SUGP1: variants seen among roughly 807,000 people sequenced by gnomAD.
SUGP1 encodes SURP and G-patch domain-containing protein 1.
A neutral mutation model predicts 76.5 loss-of-function variants in SUGP1; 34 were observed. The observed-to-expected ratio is 0.44, with a 90% CI of 0.34 to 0.59. The LOEUF (loss-of-function observed/expected upper bound fraction) is 0.59, where lower values mean the gene tolerates loss of function less well. Among genes scored for constraint, SUGP1 ranks in the 20% least tolerant of loss-of-function variants. SUGP1 has a pLI of 0.01. For synonymous variants in SUGP1, 326 were observed against 326.2 expected, an observed-to-expected ratio of 1.00 and a Z score of 0.01; for missense variants, 752 against 851.7, an observed-to-expected ratio of 0.88 and a Z score of 1.46.
At position 19,303,809 on chromosome 19, in the gene SUGP1, C is replaced by T; in HGVS notation, c.577G>A (p.Glu193Lys). 2 of 1,614,230 alleles carry T rather than the reference C, an allele frequency of 1.2e-6. No homozygotes were observed. Among genetic ancestry groups the T allele is most frequent in the Non-Finnish European group, 1.7e-6 (2 of 1,180,048 alleles). The stretch of plus-strand genomic sequence containing the variant: ...TCTGCCACAAAGCGGGCCAATTTCT[C>T]TATCACTTTCCGAGTCTCGGCTCCC... ...PEGAETRKVIEKLARFVAEGG... is the reference protein window; with the variant it reads ...PEGAETRKVIKKLARFVAEGG... The change falls in exon 5 of 14, where the codon GAG becomes AAG. Residue 193 changes from glutamate (E) to lysine (K), a missense_variant. Around this residue, in one of 2 missense-constraint regions of SUGP1, gnomAD observed 620 missense variants for 617.3 expected, o/e 1.00. Transcript: ENST00000247001.
At chr19:19,303,478 G>C in intron 5 of SUGP1, 30 bp from the exon 6 acceptor site, 1 of 1,582,440 alleles carries the variant, frequency 6.3e-7, no homozygotes, top group Non-Finnish European at 8.7e-7. Context: ...CAGAAGAGAG[G>C]GGAAAATAAG....
At chr19:19,315,319 C>A (rs1299357809) in intron 2 of SUGP1, among the ~76,000 whole-genome samples, 2 of 151,888 alleles carry the variant, frequency 1.3e-5, no homozygotes, top group East Asian at 3.9e-4. Flanking sequence ...CAGAGCAAAA[C>A]CCTGTCTCAA....
chr19:19,296,504 G>A (rs942698490), intron 8 of SUGP1, among the ~76,000 whole-genome samples: 3 of 151,838 alleles, frequency 2.0e-5, no homozygotes, highest in Admixed American at 1.3e-4. Context: ...AAAATTAGGC[G>A]GGCATGGTGG....
At chr19:19,304,662 T>C (rs1407066506) in intron 4 of SUGP1, among the ~76,000 whole-genome samples, 1 of 152,254 alleles carries the variant, frequency 6.6e-6, no homozygotes, top group African/African-American at 2.4e-5. Flanking sequence ...GCTGTGAGTT[T>C]GTCAGCTACT....
chr19:19,305,637 A>C (rs1040471800), intron 4 of SUGP1: 93 of 513,970 alleles, frequency 1.8e-4, no homozygotes, highest in Non-Finnish European at 1.5e-4. Context: ...GATGAAGCCC[A>C]CGCGCTGATG....
intron 1 of SUGP1, 107 bp from the exon 2 acceptor site, chr19:19,316,700 T>C: frequency 8.2e-7 from 1 of 1,221,374 alleles, no homozygotes; most frequent in Non-Finnish European, 1.1e-6. Context: ...TTTATATGTC[T>C]ATTAGTTCAT....
intron 8 of SUGP1, among the ~76,000 whole-genome samples, chr19:19,293,569 ACT>A (rs1270843327): frequency 3.1e-5 from 4 of 129,680 alleles, no homozygotes; most frequent in Admixed American, 7.7e-5. Flanking sequence ...TCAGAGAAAG[ACT>A]CTGTCTCAAA....
At position 19,277,075 on chromosome 19, in the gene SUGP1, C is replaced by T. The variant is rs777041381; in HGVS notation, c.1783G>A (p.Gly595Ser). The change falls in exon 13 of 14, where the codon GGC becomes AGC. Residue 595 changes from glycine (G) to serine (S), a missense_variant and splice_region_variant. Gly to Ser is a moderately conservative substitution (Grantham distance 56). Around this residue, in one of 2 missense-constraint regions of SUGP1, gnomAD observed 132 missense variants for 234.4 expected, o/e 0.56. Transcript: ENST00000247001. ...GQGIKNPVNKGTTTVDGAGFG... is the reference protein window; with the variant it reads ...GQGIKNPVNKSTTTVDGAGFG... ...CCAGCGCCGTCCACTGTGGTGGTGC[C>T]CCTACAGGGAGAAGAGGATGTGAGC... 2.5e-6 allele frequency: 4 copies of T among 1,609,130 alleles called. No individual in the cohort carries two copies. The Admixed American group carries it at 6.7e-5, about 27-fold the overall frequency.
intron 2 of SUGP1, among the ~76,000 whole-genome samples, chr19:19,315,829 GTTTTT>G (rs146674543): frequency 5.3e-5 from 8 of 150,430 alleles, no homozygotes; most frequent in Admixed American, 6.6e-5. Flanking sequence ...AAGGGCAGAG[GTTTTT>G]TTTTGTTTTT....
intron 1 of SUGP1, among the ~76,000 whole-genome samples, chr19:19,319,641 C>T (rs932573530): frequency 7.0e-6 from 1 of 143,098 alleles, no homozygotes; most frequent in Non-Finnish European, 1.5e-5. Context: ...GGAGGATCAC[C>T]TGAACCCAGG....
chr19:19,288,889 G>A (rs1195146070), intron 8 of SUGP1, among the ~76,000 whole-genome samples: 5 of 151,982 alleles, frequency 3.3e-5, no homozygotes, highest in Admixed American at 1.3e-4. Flanking sequence ...GAGTTCAAGC[G>A]ATTCTCCTGC....
chr19:19,305,769 C>T, intron 4 of SUGP1, 80 bp downstream of exon 4: 1 of 1,420,266 alleles, frequency 7.0e-7, no homozygotes, highest in Non-Finnish European at 9.6e-7. Flanking sequence ...CCCCTGGCAG[C>T]ACTTGCCCTG....
At chr19:19,302,578 G>A (rs1285614149) in intron 6 of SUGP1, 190 bp from the exon 7 acceptor site, 2 of 745,006 alleles carry the variant, frequency 2.7e-6, no homozygotes, top group South Asian at 2.0e-5. Context: ...CCCCACCCCC[G>A]ACCCCCGCCC....
chr19:19,291,933 A>ACACACACACACAC (rs71170610), intron 8 of SUGP1, among the ~76,000 whole-genome samples: 1 of 146,706 alleles, frequency 6.8e-6, no homozygotes, highest in Non-Finnish European at 1.5e-5. Context: ...ACACACACAC[A>ACACACACACACAC]AAAGGGCCAA....
intron 7 of SUGP1, among the ~76,000 whole-genome samples, chr19:19,301,030 A>G (rs2146613693): frequency 6.6e-6 from 1 of 152,324 alleles, no homozygotes; most frequent in Non-Finnish European, 1.5e-5. Context: ...CTACAATGAC[A>G]GCAAACTAGG....
chr19:19,288,034 T>C (rs1315498658), intron 8 of SUGP1, among the ~76,000 whole-genome samples: 1 of 152,102 alleles, frequency 6.6e-6, no homozygotes, highest in African/African-American at 2.4e-5. Flanking sequence ...AAATAGTCAA[T>C]ATATTTTCTC....
At chr19:19,297,391 C>T in intron 7 of SUGP1, 47 bp from the exon 8 acceptor site, 1 of 1,236,882 alleles carries the variant, frequency 8.1e-7, no homozygotes, top group Non-Finnish European at 1.1e-6. Context: ...GCCCGAGGCC[C>T]TGTCCCTGAT....
At chr19:19,315,533 T>C (rs2061387674) in intron 2 of SUGP1, among the ~76,000 whole-genome samples, 1 of 152,124 alleles carries the variant, frequency 6.6e-6, no homozygotes, top group Non-Finnish European at 1.5e-5. Flanking sequence ...GACAGGCAAG[T>C]GGAAACCCTT....
In SUGP1 at chr19:19,278,804, G is replaced by C; in HGVS notation, c.1529-8C>G. 2.5e-6 allele frequency: 4 copies of C among 1,611,166 alleles called. No individual in the cohort carries two copies. The highest frequency in any genetic ancestry group is 3.4e-6 in the Non-Finnish European group (4 of 1,178,696). Reference sequence around the variant, plus strand: ...TCAGCTGCTCGGCCCATTCTGCTCAGAGAAGCAGAAAGGTGAGAAGAGGGA... The same window carrying C: ...TCAGCTGCTCGGCCCATTCTGCTCACAGAAGCAGAAAGGTGAGAAGAGGGA... On this transcript the variant is annotated splice_polypyrimidine_tract_variant and splice_region_variant and intron_variant, in intron 10 of 13. Transcript: ENST00000247001.
Sources: allele counts gnomAD v4.1 joint callset (sites outside exome capture counted in the v4.1 genomes callset), GRCh38; gene constraint gnomAD v4.1.1; regional missense constraint gnomAD v4.1.1; transcripts MANE v1.5; gene names NCBI Gene and HGNC (gene_info 2026-07-23, HGNC 2026-07-21).